Variants in PIP4K2B observed in about 807,000 individuals in gnomAD.
PIP4K2B encodes the protein phosphatidylinositol-5-phosphate 4-kinase type 2 beta, also known as phosphatidylinositol 5-phosphate 4-kinase type-2 beta.
Under a neutral mutation model 42.0 loss-of-function variants are expected in PIP4K2B, and 3 were observed. The ratio of observed to expected loss-of-function variants is 0.07; its 90% CI spans 0.03 to 0.18. PIP4K2B has a LOEUF of 0.18. Ranked by LOEUF, PIP4K2B falls within the 10% of genes least tolerant of loss-of-function variation. The pLI is 1.00. For missense variants in PIP4K2B, 332 were observed against 562.3 expected (o/e 0.59, Z 4.14); for synonymous variants, 204 against 210.1 (o/e 0.97, Z 0.25).
At chr17:38,794,351 C>A (rs962641057) in intron 1 of PIP4K2B, among the ~76,000 whole-genome samples, 10 of 151,848 alleles carry the variant, frequency 6.6e-5, no homozygotes, top group African/African-American at 9.7e-5. Context: ...AATTGGTAGG[C>A]ATAAAGTTTC....
rs1908727349 is a variant in PIP4K2B at position 38,766,751 on chromosome 17, T to G, written c.*2940A>C. 1 of 152,712 alleles carries G rather than the reference T, an allele frequency of 6.5e-6. No individual in the cohort carries two copies. Among genetic ancestry groups the G allele is most frequent in the Admixed American group, 6.5e-5 (1 of 15,290 alleles). The allele number at this position is 152,712 out of a possible 1,614,324, so 9.5% of individuals were successfully genotyped here. ...CAGTCTGCGCCCCTCAGCTGTGGCTTCCCGGCATGCCCTGTGACCCCAAGC... is the reference window on the plus strand; with the variant it reads ...CAGTCTGCGCCCCTCAGCTGTGGCTGCCCGGCATGCCCTGTGACCCCAAGC... On this transcript the variant is annotated 3_prime_UTR_variant, in exon 10 of 10. Coordinates refer to ENST00000619039, the MANE Select transcript of PIP4K2B (RefSeq NM_003559.5).
intron 1 of PIP4K2B, among the ~76,000 whole-genome samples, chr17:38,797,783 G>C (rs1015422123): frequency 1.4e-4 from 22 of 152,146 alleles, no homozygotes; most frequent in African/African-American, 5.1e-4. Context: ...TTCATATTCT[G>C]ATCACCCAGT....
chr17:38,795,759 A>T (rs1169194035), intron 1 of PIP4K2B, among the ~76,000 whole-genome samples: 1 of 151,864 alleles, frequency 6.6e-6, no homozygotes, highest in Non-Finnish European at 1.5e-5. Flanking sequence ...TCAAGAAAAA[A>T]AAAAAAAGAA....
intron 7 of PIP4K2B, chr17:38,776,099 TAG>T (rs1410798516): frequency 4.6e-6 from 2 of 430,276 alleles, no homozygotes; most frequent in Admixed American, 2.7e-5. Context: ...GCCTCCCAAG[TAG>T]CTGGGATTAC....
rs1163656684 is a variant in PIP4K2B at position 38,768,013 on chromosome 17, C to T, written c.*1678G>A. The T allele has an allele frequency of 6.6e-6, 1 of 152,236 alleles. No homozygotes were observed. 9.4% of individuals were successfully genotyped at this position (152,236 alleles called of 1,614,324 possible). On this transcript the variant is annotated 3_prime_UTR_variant, in exon 10 of 10. Transcript: ENST00000619039. ...GAATGCCGTCTCCATTCTTTCCTGACCTATATGCTGTGAGTCAGGCACAGA... is the reference window on the plus strand; with the variant it reads ...GAATGCCGTCTCCATTCTTTCCTGATCTATATGCTGTGAGTCAGGCACAGA...
intron 1 of PIP4K2B, among the ~76,000 whole-genome samples, chr17:38,792,215 C>T (rs1193300068): frequency 6.6e-6 from 1 of 152,122 alleles, no homozygotes; most frequent in African/African-American, 2.4e-5. Flanking sequence ...GTGGTATGAT[C>T]TCAGCTCACT....
chr17:38,796,478 T>C (rs755674568), intron 1 of PIP4K2B, among the ~76,000 whole-genome samples: 28 of 152,188 alleles, frequency 1.8e-4, no homozygotes, highest in Non-Finnish European at 4.0e-4. Context: ...TCTTCCCTAA[T>C]TCCAAACCCT....
intron 1 of PIP4K2B, among the ~76,000 whole-genome samples, chr17:38,793,246 C>CTT (rs67325199): frequency 8.6e-5 from 11 of 128,072 alleles, no homozygotes; most frequent in Admixed American, 1.6e-4. Context: ...AAGATTTTTT[C>CTT]TTTTTTTTTT....
Position 38,794,183 on chromosome 17 carries a change from T to C in PIP4K2B, c.159+5083A>G, listed in dbSNP as rs141757462. On this transcript the variant is annotated intron_variant, in intron 1 of 9. Coordinates refer to ENST00000619039, the MANE Select transcript of PIP4K2B (RefSeq NM_003559.5). ...GAAGGAAATTCTGCTATGTGCAACA[T>C]GGATGAACCTTGAGCACCTTACGCT... Among the ~76,000 whole-genome samples the C allele has an allele frequency of 4.9e-3, 743 of 152,296 alleles. 5 individuals are homozygous for C. Among genetic ancestry groups the C allele is most frequent in the Non-Finnish European group, 7.8e-3 (533 of 68,020 alleles).
intron 1 of PIP4K2B, among the ~76,000 whole-genome samples, chr17:38,790,245 T>C (rs1047769203): frequency 5.9e-5 from 9 of 152,238 alleles, no homozygotes; most frequent in African/African-American, 1.7e-4. Context: ...CACAAGAGAA[T>C]GTGACTGTCA....
intron 7 of PIP4K2B, among the ~76,000 whole-genome samples, chr17:38,775,057 C>G (rs1352772274): frequency 6.6e-6 from 1 of 151,828 alleles, no homozygotes; most frequent in Non-Finnish European, 1.5e-5. Context: ...TCATGCCATT[C>G]TCCTGCCTCA....
rs1488541784 is a variant in PIP4K2B, at chr17:38,779,401, A to G, written c.636T>C (p.His212=). The change falls in exon 5 of 10, where the codon CAT becomes CAC. Residue 212 remains histidine, a synonymous_variant. Transcript: ENST00000619039. ...RNVFSHRLTV[H]RKYDLKGSTV... ...CCTTTACCTTGAGGTCATACTTGCG[A>G]TGCACAGTGAGCCGATGGCTGAACA... The G allele has an allele frequency of 5.0e-6, 8 of 1,612,398 alleles. No homozygotes were observed. The highest frequency in any genetic ancestry group is 2.0e-4 in the Middle Eastern group (1 of 5,078).
intron 7 of PIP4K2B, among the ~76,000 whole-genome samples, chr17:38,773,002 A>T (rs1165112168): frequency 6.6e-6 from 1 of 152,224 alleles, no homozygotes; most frequent in African/African-American, 2.4e-5. Context: ...AGGAAAAAAA[A>T]TTCACGCATA....
chr17:38,788,254 A>G (rs7221461), intron 1 of PIP4K2B, among the ~76,000 whole-genome samples: 10,167 of 151,598 alleles, frequency 0.067, 1,183 homozygotes, highest in African/African-American at 0.23. Context: ...AGACTGGAGT[A>G]CAGTGGTGCG....
chr17:38,773,830 G>C (rs1453669367), intron 7 of PIP4K2B, among the ~76,000 whole-genome samples: 9 of 152,166 alleles, frequency 5.9e-5, no homozygotes, highest in Non-Finnish European at 1.3e-4. Flanking sequence ...CCAGGAAAAA[G>C]AAGGTCCATG....
intron 1 of PIP4K2B, among the ~76,000 whole-genome samples, chr17:38,796,831 T>C (rs1339929382): frequency 1.3e-5 from 2 of 152,122 alleles, no homozygotes; most frequent in African/African-American, 2.4e-5. Flanking sequence ...ATCTGAAATC[T>C]CAGATGACAA....
At chr17:38,771,546 CAAAAAAA>C (rs58817119) in intron 7 of PIP4K2B, among the ~76,000 whole-genome samples, 15 of 39,772 alleles carry the variant, frequency 3.8e-4, no homozygotes, top group Admixed American at 1.3e-3. Context: ...GAGATGGTCT[CAAAAAAA>C]AAAAAAAAAA....
In PIP4K2B at chr17:38,799,125, C is replaced by G. The variant is rs1474432165; in HGVS notation, c.159+141G>C. 14 of 858,426 alleles carry G rather than the reference C, an allele frequency of 1.6e-5. No individual in the cohort carries two copies. Among genetic ancestry groups the G allele is most frequent in the Non-Finnish European group, 2.3e-5 (14 of 604,192 alleles). The allele number at this position is 858,426 out of a possible 1,614,324, so 53.2% of individuals were successfully genotyped here. On this transcript the variant is annotated intron_variant, in intron 1 of 9. Coordinates refer to ENST00000619039, the MANE Select transcript of PIP4K2B (RefSeq NM_003559.5). The surrounding 1 kb of genome is among the most constrained non-coding windows in gnomAD (Gnocchi z 4.4). ...AGTGCACACGGGGCCGAAAGGCGTG[C>G]AAGGGTGGGGTGGGCGTGCAAGTGG...
chr17:38,771,002 G>A lies in PIP4K2B; in HGVS notation c.1066+12C>T, dbSNP rs1908996816. ...GCAGGGCTGTGCAGAGCAGGCGCAG[G>A]CTCTGACTTACTTTCATGGCTTTTC... is the stretch of plus-strand genomic sequence containing the variant. On this transcript the variant is annotated intron_variant, in intron 8 of 9. Coordinates refer to ENST00000619039, the MANE Select transcript of PIP4K2B (RefSeq NM_003559.5). 2.5e-6 allele frequency: 4 copies of A among 1,613,880 alleles called. No individual in the cohort carries two copies. The African/African-American group carries it at 5.3e-5, about 22-fold the overall frequency.
Sources: gnomAD v4.1 joint callset for allele counts (sites outside exome capture counted in the v4.1 genomes callset) on GRCh38, gnomAD v4.1.1 for gene constraint, Gnocchi (gnomAD v3.1) non-coding constraint, MANE v1.5 for transcripts, NCBI Gene and HGNC (gene_info 2026-07-23, HGNC 2026-07-21) for gene names.